The following SLC13A4 variants were observed in gnomAD, a reference collection of about 807,000 sequenced individuals.
SLC13A4 encodes Na(+)/sulfate cotransporter SUT-1.
Under a neutral mutation model 72.7 loss-of-function variants are expected in SLC13A4, and 28 were observed. That is an observed-to-expected ratio of 0.39 (90% CI 0.29 to 0.53). SLC13A4 has a LOEUF of 0.53. SLC13A4 is among the 20% of genes least tolerant of loss of function. SLC13A4 has a pLI of 0.78. For missense variants in SLC13A4, 653 were observed against 788.0 expected (o/e 0.83, Z 2.05); for synonymous variants, 312 against 325.5 (o/e 0.96, Z 0.45).
chr7:135,686,795 A>G (rs1795637009), intron 13 of SLC13A4, among the ~76,000 whole-genome samples: 1 of 152,178 alleles, frequency 6.6e-6, no homozygotes, highest in Admixed American at 6.5e-5. Context: ...GGTAGCTCAC[A>G]CCTGTAATAC....
In SLC13A4 at chr7:135,719,264, G is replaced by A. The variant is rs568892028; in HGVS notation, c.228+2131C>T. On this transcript the variant is annotated intron_variant, in intron 2 of 15. Coordinates refer to ENST00000682651, the MANE Select transcript of SLC13A4 (RefSeq NM_001318192.2). The stretch of plus-strand genomic sequence containing the variant: ...GCGTCCCTCGGATAACTGTTGCCTG[G>A]CAACATCTCTACTGTGCCCTTGGAG... Among the ~76,000 whole-genome samples, 21 of 152,314 alleles carry A rather than the reference G, an allele frequency of 1.4e-4. No individual in the cohort carries two copies. In the South Asian group the frequency reaches 4.3e-3, roughly 32 times the overall value.
intron 15 of SLC13A4, among the ~76,000 whole-genome samples, chr7:135,682,537 T>C (rs894814073): frequency 6.6e-6 from 1 of 152,230 alleles, no homozygotes; most frequent in Non-Finnish European, 1.5e-5. Context: ...GCTAGACGTG[T>C]CCTCTCTCTC....
In SLC13A4 at chr7:135,705,314, G is replaced by C. The variant is rs1272072776; in HGVS notation, c.593+282C>G. The C allele has an allele frequency of 6.1e-5, 23 of 375,384 alleles. 1 individual carries two copies. The East Asian group carries it at 8.9e-4, about 15-fold the overall frequency. 23.3% of individuals were successfully genotyped at this position (375,384 alleles called of 1,614,324 possible). A position where few individuals can be genotyped will look rare whatever the true frequency, so the allele number is the denominator to read the frequency against. On this transcript the variant is annotated intron_variant, in intron 5 of 15. Coordinates refer to ENST00000682651, the MANE Select transcript of SLC13A4 (RefSeq NM_001318192.2). ...AGAAGAGATTCTGCATGGTGGCTGTGTGGACAGTTCATATATCCACTGAGA... is the reference window on the plus strand; with the variant it reads ...AGAAGAGATTCTGCATGGTGGCTGTCTGGACAGTTCATATATCCACTGAGA...
intron 11 of SLC13A4, chr7:135,692,084 ACCAAGCTT>A (rs1584719541): frequency 7.5e-6 from 4 of 534,930 alleles, no homozygotes; most frequent in Non-Finnish European, 1.3e-5. Context: ...CTATGAGGTA[ACCAAGCTT>A]CCAAGAGCTT....
chr7:135,723,075 A>C (rs879676187), intron 1 of SLC13A4, among the ~76,000 whole-genome samples: 10 of 152,186 alleles, frequency 6.6e-5, no homozygotes, highest in Non-Finnish European at 1.2e-4. Context: ...ACAAGCAAAA[A>C]ACCATCTCTA....
At chr7:135,723,542 A>G (rs1796589255) in intron 1 of SLC13A4, among the ~76,000 whole-genome samples, 1 of 152,152 alleles carries the variant, frequency 6.6e-6, no homozygotes, top group Admixed American at 6.5e-5. Context: ...GGGATCCTCA[A>G]TTTTTACATA....
At chr7:135,720,017 A>C (rs1290247260) in intron 2 of SLC13A4, among the ~76,000 whole-genome samples, 2 of 152,056 alleles carry the variant, frequency 1.3e-5, no homozygotes, top group Non-Finnish European at 2.9e-5. Context: ...AAGCAAACAA[A>C]AAACTAGTCA....
At chr7:135,683,976 T>A in intron 15 of SLC13A4, 148 bp downstream of exon 15, 1 of 963,968 alleles carries the variant, frequency 1.0e-6, no homozygotes, top group South Asian at 3.1e-5. Flanking sequence ...AAAACCTTTT[T>A]ATAGGTGCTA....
intron 2 of SLC13A4, among the ~76,000 whole-genome samples, chr7:135,709,797 C>T (rs957131818): frequency 6.6e-6 from 1 of 152,214 alleles, no homozygotes; most frequent in Non-Finnish European, 1.5e-5. Context: ...GCCCTAGCCT[C>T]TGATTCCAGA....
chr7:135,689,787 C>T (rs987506393), intron 13 of SLC13A4, among the ~76,000 whole-genome samples: 1 of 152,104 alleles, frequency 6.6e-6, no homozygotes, highest in Admixed American at 6.6e-5. Flanking sequence ...GGGAATCTCA[C>T]CATGGGCAGG....
At chr7:135,725,774 A>C (rs554083393) in intron 1 of SLC13A4, among the ~76,000 whole-genome samples, 1 of 152,286 alleles carries the variant, frequency 6.6e-6, no homozygotes, top group East Asian at 1.9e-4. Context: ...CCTGGGCAAC[A>C]TAGTGAAACC....
intron 5 of SLC13A4, chr7:135,703,312 C>G (rs1476030898): frequency 5.7e-6 from 1 of 174,298 alleles, no homozygotes; most frequent in Non-Finnish European, 1.2e-5. Context: ...GAGTCTGTCT[C>G]TCTGGAAAGC....
In SLC13A4 at chr7:135,721,531, G is replaced by A. The variant is rs769698656; in HGVS notation, c.100-8C>T. Reference sequence around the variant, plus strand: ...GTAAGCACACGAGGCCTCCTGCAAGGCAAGGAAAGGGGCCGTCATTCACAG... The same window carrying A: ...GTAAGCACACGAGGCCTCCTGCAAGACAAGGAAAGGGGCCGTCATTCACAG... On this transcript the variant is annotated splice_region_variant and splice_polypyrimidine_tract_variant and intron_variant, in intron 1 of 15. Transcript: ENST00000682651. The A allele has an allele frequency of 6.2e-7, 1 of 1,613,688 alleles. No individual in the cohort carries two copies. Among genetic ancestry groups the A allele is most frequent in the Non-Finnish European group, 8.5e-7 (1 of 1,179,716 alleles).
chr7:135,700,449 G>GCCACATCTCTCAAAGCCCTTTC (rs2069758329), intron 7 of SLC13A4, among the ~76,000 whole-genome samples: 2 of 152,158 alleles, frequency 1.3e-5, no homozygotes, highest in African/African-American at 4.8e-5. Context: ...GCGCCACCTT[G>GCCACATCTCTCAAAGCCCTTTC]CCACATCTCT....
chr7:135,701,857 C>T, intron 6 of SLC13A4, 97 bp from the exon 7 acceptor site: 1 of 1,203,258 alleles, frequency 8.3e-7, no homozygotes, highest in South Asian at 1.4e-5. Flanking sequence ...CACCCCATGC[C>T]TCAGCACTGT....
At chr7:135,706,527 G>A (rs1046395234) in intron 3 of SLC13A4, among the ~76,000 whole-genome samples, 6 of 152,176 alleles carry the variant, frequency 3.9e-5, no homozygotes, top group African/African-American at 1.4e-4. Flanking sequence ...ATGGACTAGC[G>A]GCCTTAGCCA....
At chr7:135,725,554 C>T (rs550407042) in intron 1 of SLC13A4, among the ~76,000 whole-genome samples, 85 of 152,254 alleles carry the variant, frequency 5.6e-4, no homozygotes, top group African/African-American at 2.0e-3. Flanking sequence ...TGAGGCTTGT[C>T]GCTTAGAACC....
intron 2 of SLC13A4, among the ~76,000 whole-genome samples, chr7:135,712,248 T>A (rs1796320747): frequency 6.6e-6 from 1 of 151,390 alleles, no homozygotes; most frequent in African/African-American, 2.4e-5. Context: ...GTGCTGGGTG[T>A]TTGGTGGGCT....
chr7:135,699,495 C>T lies in SLC13A4; in HGVS notation c.768G>A (p.Lys256=). The T allele has an allele frequency of 6.2e-7, 1 of 1,612,194 alleles. No individual in the cohort carries two copies. The highest frequency in any genetic ancestry group is 1.1e-5 in the South Asian group (1 of 90,388). The part of the protein sequence containing the change: ...PSPRKQKLNR[K]YRSHHDQMIC... ...TCATCTGGTCATGGTGGGACCTGTA[C>T]TTTCTGTTCAGCTTCTGCTTCCTGG... Residue 256 remains lysine (K), a synonymous_variant, in exon 8 of 16, where the codon AAG becomes AAA. Transcript: ENST00000682651.
Sources: gnomAD v4.1 joint callset for allele counts (sites outside exome capture counted in the v4.1 genomes callset) on GRCh38, gnomAD v4.1.1 for gene constraint, MANE v1.5 for transcripts, NCBI Gene and HGNC (gene_info 2026-07-23, HGNC 2026-07-21) for gene names.